The following DSG1 variants were observed in gnomAD, a reference collection of about 807,000 sequenced individuals.
DSG1 encodes desmoglein-1.
DSG1 carries 39 observed loss-of-function variants against 97.5 expected under a neutral mutation model. The observed-to-expected ratio is 0.40, with a 90% confidence interval of 0.31 to 0.52. DSG1 has a LOEUF of 0.52. DSG1 is among the 20% of genes least tolerant of loss of function. DSG1 has a pLI of 0.53. For synonymous variants in DSG1, 475 were observed against 443.4 expected (o/e 1.07, Z -0.90); for missense variants, 1,311 against 1,295.4 (o/e 1.01, Z -0.18).
At chr18:31,331,192 G>A (rs2144092869) in intron 5 of DSG1, among the ~76,000 whole-genome samples, 1 of 152,126 alleles carries the variant, frequency 6.6e-6, no homozygotes, top group South Asian at 2.1e-4. Flanking sequence ...CAGTAGTAAT[G>A]TATATTTATC....
At chr18:31,336,259 GATA>G (rs1307695529) in intron 8 of DSG1, 92 bp from the exon 9 acceptor site, 4 of 1,061,798 alleles carry the variant, frequency 3.8e-6, no homozygotes, top group Middle Eastern at 3.0e-4. Flanking sequence ...ATAAAAGAAA[GATA>G]ATAAGTTTTT....
chr18:31,339,784 C>T lies in DSG1; in HGVS notation c.1446C>T (p.Asn482=). 2 of 1,612,592 alleles carry T rather than the reference C, an allele frequency of 1.2e-6. No individual in the cohort carries two copies. ...CTTGCACTGGTACAATTAATATTAACATTCAAAGTTTTGGTAATGACGACA... is the reference window on the plus strand; with the variant it reads ...CTTGCACTGGTACAATTAATATTAATATTCAAAGTTTTGGTAATGACGACA... The part of the protein sequence containing the change: ...QRTCTGTINI[N]IQSFGNDDRT... The change falls in exon 11 of 15, where the codon AAC becomes AAT. Residue 482 remains asparagine (N), a synonymous_variant. Transcript: ENST00000257192.
chr18:31,344,058 T>C, intron 13 of DSG1, 63 bp downstream of exon 13: 2 of 1,197,212 alleles, frequency 1.7e-6, no homozygotes, highest in Non-Finnish European at 2.5e-6. Context: ...TTTCTCTCTT[T>C]GATTATTGTT....
At chr18:31,330,171 C>A in intron 5 of DSG1, 135 bp downstream of exon 5, 2 of 1,145,974 alleles carry the variant, frequency 1.7e-6, no homozygotes, top group Non-Finnish European at 2.5e-6. Flanking sequence ...TCTTTCCTTT[C>A]AACTACGGAA....
At chr18:31,327,930 TTAGA>T (rs1260180362) in intron 3 of DSG1, among the ~76,000 whole-genome samples, 3 of 152,166 alleles carry the variant, frequency 2.0e-5, no homozygotes, top group Admixed American at 6.5e-5. Context: ...TTGCATAGAC[TTAGA>T]TATAGTAGGG....
At chr18:31,344,932 G>T (rs994391950) in intron 13 of DSG1, among the ~76,000 whole-genome samples, 2 of 152,184 alleles carry the variant, frequency 1.3e-5, no homozygotes, top group East Asian at 3.9e-4. Flanking sequence ...TTGTAGAACT[G>T]GACCTTATTC....
Position 31,319,193 on chromosome 18 carries a change from T to TC in DSG1, c.48+845_48+846insC, listed in dbSNP as rs1172339027. 3.3e-5 allele frequency among the ~76,000 whole-genome samples: 5 copies of TC among 152,284 alleles called. No individual in the cohort carries two copies. The East Asian group carries it at 9.6e-4, about 29-fold the overall frequency. On this transcript the variant is annotated intron_variant, in intron 1 of 14. Coordinates refer to ENST00000257192, the MANE Select transcript of DSG1 (RefSeq NM_001942.4). ...ACTAATGTATTATGTCAATTTCACT[T>TC]TCAGTGAAAATTTGAAAATTGTAAT... is the stretch of plus-strand genomic sequence containing the variant.
At chr18:31,341,383 G>A (rs17715828) in intron 11 of DSG1, among the ~76,000 whole-genome samples, 56,534 of 152,004 alleles carry the variant, frequency 0.37, 11,400 homozygotes, top group South Asian at 0.48. Context: ...GTGAACAGTG[G>A]CAGATATGTT....
intron 8 of DSG1, 39 bp downstream of exon 8, chr18:31,334,241 CT>C (rs766506578): frequency 3.6e-6 from 5 of 1,402,054 alleles, no homozygotes; most frequent in Non-Finnish European, 5.0e-6. Flanking sequence ...TTTTCTTAAT[CT>C]TTTTTCAAAA....
At chr18:31,340,077 G>C (rs138089097) in intron 11 of DSG1, 52 bp downstream of exon 11, 1 of 1,550,396 alleles carries the variant, frequency 6.4e-7, no homozygotes, top group Non-Finnish European at 8.8e-7. Flanking sequence ...AATGCTGGGG[G>C]AGGAGTTAAG....
intron 11 of DSG1, among the ~76,000 whole-genome samples, chr18:31,343,066 A>G (rs555410807): frequency 6.6e-6 from 1 of 151,934 alleles, no homozygotes; most frequent in African/African-American, 2.4e-5. Flanking sequence ...AAAAGCCCCC[A>G]TACACGCCTA....
chr18:31,343,585 T>C lies in DSG1; in HGVS notation c.1821+2T>C. ...GAAGGACCACAGCCTGAACCCAGGG[T>C]AAGTGCCACATTCTAAGAAATAGCC... On this transcript the variant is annotated splice_donor_variant, in intron 12 of 14. Coordinates refer to ENST00000257192, the MANE Select transcript of DSG1 (RefSeq NM_001942.4). LOFTEE classifies it high-confidence loss of function. 1 of 1,614,098 alleles carries C rather than the reference T, an allele frequency of 6.2e-7. No homozygotes were observed. Among genetic ancestry groups the C allele is most frequent in the Non-Finnish European group, 8.5e-7 (1 of 1,180,004 alleles).
At chr18:31,344,249 T>C (rs1256757581) in intron 13 of DSG1, among the ~76,000 whole-genome samples, 1 of 152,182 alleles carries the variant, frequency 6.6e-6, no homozygotes, top group Non-Finnish European at 1.5e-5. Flanking sequence ...TCTCTATATA[T>C]GCAGAAGTAC....
chr18:31,327,091 T>G, intron 3 of DSG1, 86 bp downstream of exon 3: 1 of 1,509,646 alleles, frequency 6.6e-7, no homozygotes, highest in Non-Finnish European at 9.2e-7. Context: ...TTCATGAACA[T>G]GTCTCACCGA....
chr18:31,325,070 G>A (rs915196569), intron 1 of DSG1, among the ~76,000 whole-genome samples: 2 of 152,180 alleles, frequency 1.3e-5, no homozygotes, highest in African/African-American at 2.4e-5. Context: ...GCCTTTGAAA[G>A]TCCAAGAGTG....
chr18:31,324,580 T>C (rs1201423526), intron 1 of DSG1, among the ~76,000 whole-genome samples: 1 of 152,166 alleles, frequency 6.6e-6, no homozygotes, highest in East Asian at 1.9e-4. Context: ...TAAATTCTAT[T>C]ACTGTCTTGT....
intron 1 of DSG1, among the ~76,000 whole-genome samples, chr18:31,324,234 G>A (rs1396086568): frequency 6.6e-6 from 1 of 150,836 alleles, no homozygotes; most frequent in East Asian, 2.0e-4. Context: ...CACCCGCCTC[G>A]GCCTCCCAAA....
intron 8 of DSG1, among the ~76,000 whole-genome samples, chr18:31,335,339 T>C (rs2071745143): frequency 6.6e-6 from 1 of 152,196 alleles, no homozygotes; most frequent in Admixed American, 6.5e-5. Context: ...CTTTCCATGA[T>C]ACTATTTAGG....
At chr18:31,341,654 G>C (rs1490038696) in intron 11 of DSG1, among the ~76,000 whole-genome samples, 1 of 152,096 alleles carries the variant, frequency 6.6e-6, no homozygotes, top group Non-Finnish European at 1.5e-5. Context: ...AGAGAAAAGG[G>C]AAAGAGAGAA....
Sources: gnomAD v4.1 joint callset for allele counts (sites outside exome capture counted in the v4.1 genomes callset) on GRCh38, gnomAD v4.1.1 for gene constraint, MANE v1.5 for transcripts, NCBI Gene and HGNC (gene_info 2026-07-23, HGNC 2026-07-21) for gene names.